The following ALMS1 variants were observed in gnomAD, a reference collection of about 807,000 sequenced individuals.
The protein encoded by ALMS1 is ALMS1 centrosome and basal body associated protein, also known as centrosome-associated protein ALMS1.
ALMS1 carries 271 observed loss-of-function variants against 352.2 expected under a neutral mutation model. The ratio of observed to expected loss-of-function variants is 0.77; its 90% CI spans 0.70 to 0.85. The LOEUF (loss-of-function observed/expected upper bound fraction) is 0.85. Ranked by LOEUF, ALMS1 falls within the 40% of genes least tolerant of loss-of-function variation. The probability of loss-of-function intolerance (pLI) is 0.00; values close to 1 mark genes in which losing one functional copy is unlikely to be tolerated. For synonymous variants in ALMS1, 1,865 were observed against 1,761.2 expected, an observed-to-expected ratio of 1.06 and a Z score of -1.48; for missense variants, 5,445 against 4,870.7, an observed-to-expected ratio of 1.12 and a Z score of -3.51.
At chr2:73,537,181 A>G (rs1436751537) in intron 12 of ALMS1, among the ~76,000 whole-genome samples, 1 of 152,236 alleles carries the variant, frequency 6.6e-6, no homozygotes, top group African/African-American at 2.4e-5. Flanking sequence ...CAAGTATTTT[A>G]ATATCATAAT....
chr2:73,608,411 T>A, intron 21 of ALMS1, 64 bp from the exon 22 acceptor site: 1 of 1,280,930 alleles, frequency 7.8e-7, no homozygotes, highest in South Asian at 1.2e-5. Flanking sequence ...TGAGAGGAGA[T>A]CTCATGACTC....
intron 2 of ALMS1, among the ~76,000 whole-genome samples, chr2:73,418,341 C>G (rs1182726875): frequency 6.6e-6 from 1 of 152,078 alleles, no homozygotes; most frequent in African/African-American, 2.4e-5. Context: ...TGAGAAGAGC[C>G]AGGGATCGTT....
At chr2:73,397,843 G>A (rs1670794243) in intron 1 of ALMS1, among the ~76,000 whole-genome samples, 1 of 152,198 alleles carries the variant, frequency 6.6e-6, no homozygotes, top group South Asian at 2.1e-4. Flanking sequence ...TCTGTGCCCT[G>A]CCCCTCTCCA....
At chr2:73,437,109 G>GT (rs1671619013) in intron 7 of ALMS1, among the ~76,000 whole-genome samples, 1 of 152,182 alleles carries the variant, frequency 6.6e-6, no homozygotes, top group African/African-American at 2.4e-5. Flanking sequence ...GATCTCCATT[G>GT]TTTTTGTCAG....
chr2:73,575,345 G>A (rs1392235010), intron 16 of ALMS1, among the ~76,000 whole-genome samples: 1 of 152,118 alleles, frequency 6.6e-6, no homozygotes, highest in Non-Finnish European at 1.5e-5. Context: ...CATAGTACCT[G>A]CACTATTTTG....
At chr2:73,463,237 T>C (rs1054229157) in intron 9 of ALMS1, among the ~76,000 whole-genome samples, 4 of 151,808 alleles carry the variant, frequency 2.6e-5, no homozygotes, top group African/African-American at 9.7e-5. Flanking sequence ...AGAAAAGAAA[T>C]TATAACAAAC....
intron 7 of ALMS1, among the ~76,000 whole-genome samples, chr2:73,435,776 T>C (rs990593664): frequency 1.3e-5 from 2 of 152,064 alleles, no homozygotes; most frequent in Non-Finnish European, 2.9e-5. Context: ...AAAAATTTTT[T>C]TGGTAGAGAT....
chr2:73,517,246 C>CTTTTTTTTTTTTTTTTTTTTT lies in ALMS1; in HGVS notation c.9540-2512_9540-2511insTTTTTTTTTTTTTTTTTTTTT, dbSNP rs770879267. ...CAAGTGATTTTTTGAAAGTTTTAGT[C>CTTTTTTTTTTTTTTTTTTTTT]TTTTTTTTTTTTTTTTTCTTATAGA... On this transcript the variant is annotated intron_variant, in intron 10 of 22. Coordinates refer to ENST00000613296, the MANE Select transcript of ALMS1 (RefSeq NM_001378454.1). Among the ~76,000 whole-genome samples, 30 of 104,968 alleles carry CTTTTTTTTTTTTTTTTTTTTT rather than the reference C, an allele frequency of 2.9e-4. 4 individuals carry two copies. The highest frequency in any genetic ancestry group is 7.1e-4 in the African/African-American group (15 of 21,256). 68.9% of individuals were successfully genotyped at this position (104,968 alleles called of 152,430 possible). A position where few individuals can be genotyped will look rare whatever the true frequency, so the allele number is the denominator to read the frequency against.
intron 9 of ALMS1, chr2:73,470,490 C>T (rs1672445402): frequency 6.6e-6 from 1 of 151,656 alleles, no homozygotes; most frequent in African/African-American, 2.4e-5. Context: ...AGTTTTCCTT[C>T]TGTTACTGAT....
At chr2:73,484,308 G>A (rs879924870) in intron 9 of ALMS1, among the ~76,000 whole-genome samples, 47 of 151,222 alleles carry the variant, frequency 3.1e-4, no homozygotes, top group Non-Finnish European at 5.2e-4. Flanking sequence ...GTCTGTAAAG[G>A]ATTTTATTTC....
chr2:73,553,468 A>T (rs1404464260), intron 13 of ALMS1, among the ~76,000 whole-genome samples: 1 of 152,192 alleles, frequency 6.6e-6, no homozygotes, highest in Non-Finnish European at 1.5e-5. Flanking sequence ...GTGATTGACT[A>T]TACTTAGAGG....
At chr2:73,599,582 A>C in intron 17 of ALMS1, 61 bp downstream of exon 17, 1 of 1,544,642 alleles carries the variant, frequency 6.5e-7, no homozygotes, top group East Asian at 2.2e-5. Flanking sequence ...TAAACATGTA[A>C]GATACTCAAC....
At chr2:73,436,473 C>T (rs1671606505) in intron 7 of ALMS1, among the ~76,000 whole-genome samples, 1 of 152,136 alleles carries the variant, frequency 6.6e-6, no homozygotes, top group Non-Finnish European at 1.5e-5. Flanking sequence ...TTTTCTGCTT[C>T]TTTCTCTTTT....
intron 13 of ALMS1, among the ~76,000 whole-genome samples, chr2:73,551,733 GC>G (rs956774921): frequency 4.6e-5 from 7 of 151,964 alleles, no homozygotes; most frequent in Middle Eastern, 3.2e-3. Context: ...ACCGTGTCTG[GC>G]CCCCACTGTT....
intron 12 of ALMS1, among the ~76,000 whole-genome samples, chr2:73,545,239 G>A (rs986460065): frequency 1.3e-5 from 2 of 148,816 alleles, no homozygotes; most frequent in South Asian, 2.1e-4. Flanking sequence ...GGAGTACAGT[G>A]GCACAATCTC....
intron 21 of ALMS1, among the ~76,000 whole-genome samples, chr2:73,604,444 T>C (rs1460711175): frequency 6.6e-6 from 1 of 152,240 alleles, no homozygotes; most frequent in Non-Finnish European, 1.5e-5. Context: ...ATTTCAGATA[T>C]TCATATATTG....
chr2:73,513,196 T>G (rs1673487574), intron 10 of ALMS1, among the ~76,000 whole-genome samples: 1 of 152,094 alleles, frequency 6.6e-6, no homozygotes, highest in African/African-American at 2.4e-5. Context: ...TTCACCCTGC[T>G]TGGGCTTTGG....
In ALMS1 at chr2:73,601,302, A is replaced by G; in HGVS notation, c.11980A>G (p.Thr3994Ala). 3 of 1,614,204 alleles carry G rather than the reference A, an allele frequency of 1.9e-6. No homozygotes were observed. The highest frequency in any genetic ancestry group is 1.3e-5 in the African/African-American group (1 of 75,040). ...CTCCTGGTTTGAACCAATAACCAAG[A>G]CCAGACCCTGGAGGGAGCCACTGCG... ...GISWFEPITK[T>A]RPWREPLREQ... The change falls in exon 19 of 23, where the codon ACC becomes GCC. Residue 3994 changes from threonine to alanine, a missense_variant. Thr to Ala is a moderately conservative substitution (Grantham distance 58). Coordinates refer to ENST00000613296, the MANE Select transcript of ALMS1 (RefSeq NM_001378454.1).
intron 1 of ALMS1, 30 bp downstream of exon 1, chr2:73,386,222 C>T (rs551575560): frequency 1.3e-6 from 2 of 1,486,710 alleles, no homozygotes; most frequent in Non-Finnish European, 1.8e-6. Flanking sequence ...GGTGTGGAGC[C>T]GCGGCGAGTT....
Sources: gnomAD v4.1 joint callset for allele counts (sites outside exome capture counted in the v4.1 genomes callset) on GRCh38, gnomAD v4.1.1 for gene constraint, MANE v1.5 for transcripts, NCBI Gene and HGNC (gene_info 2026-07-23, HGNC 2026-07-21) for gene names.